Variants in ARHGAP23 observed in about 807,000 individuals in gnomAD.
ARHGAP23 encodes the protein Rho GTPase activating protein 23, also known as rho GTPase-activating protein 23.
A neutral mutation model predicts 136.3 loss-of-function variants in ARHGAP23; 34 were observed. The observed-to-expected ratio is 0.25, with a 90% CI of 0.19 to 0.33. The LOEUF (loss-of-function observed/expected upper bound fraction) is 0.33. ARHGAP23 is among the 10% of genes least tolerant of loss of function. The pLI, the probability that ARHGAP23 is intolerant of heterozygous loss-of-function variation, is 1.00. For missense variants in ARHGAP23, 1,808 were observed against 2,139.0 expected (o/e 0.85, Z 3.05); for synonymous variants, 832 against 920.5 (o/e 0.90, Z 1.74).
rs2039440739 is a variant in ARHGAP23, at chr17:38,460,775, C to T, written c.226-130C>T. 2.0e-6 allele frequency: 3 copies of T among 1,527,256 alleles called. No individual in the cohort carries two copies. The East Asian group carries it at 7.4e-5, about 37-fold the overall frequency. 94.6% of individuals were successfully genotyped at this position (1,527,256 alleles called of 1,614,324 possible). ...CCTCGGACACCCCTCCCGCACCCTC[C>T]CCTGCTGGGCTACTTGGGAGGAGAT... On this transcript the variant is annotated intron_variant, in intron 2 of 23. Coordinates refer to ENST00000622683, the MANE Select transcript of ARHGAP23 (RefSeq NM_001199417.2).
At chr17:38,425,325 T>A (rs2038559301), upstream of ARHGAP23, among the ~76,000 whole-genome samples, 1 of 152,058 alleles carries the variant, frequency 6.6e-6, no homozygotes, top group Non-Finnish European at 1.5e-5. Flanking sequence ...AGTGCCTTTT[T>A]CCCTATTCCC....
At chr17:38,443,757 G>A (rs1019203553) in intron 1 of ARHGAP23, among the ~76,000 whole-genome samples, 2 of 152,150 alleles carry the variant, frequency 1.3e-5, no homozygotes, top group Non-Finnish European at 2.9e-5. Context: ...ATGTGCCCCC[G>A]GGAGACTTTC....
At position 38,510,417 on chromosome 17, in the gene ARHGAP23, C is replaced by T; in HGVS notation, c.3921C>T (p.Phe1307=). The change falls in exon 24 of 24, where the codon TTC becomes TTT. Residue 1307 remains phenylalanine (F), a synonymous_variant. Transcript: ENST00000622683. The surrounding 1 kb of genome is among the most constrained non-coding windows in gnomAD (Gnocchi z 4.6). ...PGGRLTRRPS[F]SSHHLMPCDT... ...GGCGCCTGACACGCCGGCCGTCCTT[C>T]AGCTCGCACCACCTCATGCCCTGCG... 1 of 1,237,976 alleles carries T rather than the reference C, an allele frequency of 8.1e-7. No homozygotes were observed. Among genetic ancestry groups the T allele is most frequent in the Non-Finnish European group, 1.0e-6 (1 of 992,330 alleles). 76.7% of individuals were successfully genotyped at this position (1,237,976 alleles called of 1,614,324 possible).
At chr17:38,424,156 T>C (rs2038547024), upstream of ARHGAP23, among the ~76,000 whole-genome samples, 1 of 152,154 alleles carries the variant, frequency 6.6e-6, no homozygotes, top group Non-Finnish European at 1.5e-5. Flanking sequence ...CAGGGCTCCT[T>C]TGAGGACATC....
At position 38,486,122 on chromosome 17, in the gene ARHGAP23, G is replaced by A. The variant is rs1597826578; in HGVS notation, c.2968G>A (p.Glu990Lys). The change falls in exon 17 of 24, where the codon GAG becomes AAG. Residue 990 changes from glutamate to lysine, a missense_variant. Coordinates refer to ENST00000622683, the MANE Select transcript of ARHGAP23 (RefSeq NM_001199417.2). ...LLKSFFRKLP[E>K]PLFTDDKYND... Reference sequence around the variant, plus strand: ...CAAGTCCTTCTTCCGAAAGCTGCCCGAGCCTCTTTTCACTGATGGTGAGTA... The same window carrying A: ...CAAGTCCTTCTTCCGAAAGCTGCCCAAGCCTCTTTTCACTGATGGTGAGTA... 3.2e-6 allele frequency: 5 copies of A among 1,551,370 alleles called. No individual in the cohort carries two copies. The highest frequency in any genetic ancestry group is 1.4e-5 in the African/African-American group (1 of 73,038).
At chr17:38,449,024 G>C (rs2039098506) in intron 1 of ARHGAP23, among the ~76,000 whole-genome samples, 1 of 152,100 alleles carries the variant, frequency 6.6e-6, no homozygotes, top group African/African-American at 2.4e-5. Context: ...TCGCTGTGTT[G>C]CCCAGGCTGG....
chr17:38,455,565 C>T (rs1180577019), intron 1 of ARHGAP23, among the ~76,000 whole-genome samples: 2 of 152,094 alleles, frequency 1.3e-5, no homozygotes, highest in African/African-American at 2.4e-5. Flanking sequence ...GGGGGGCGTG[C>T]GGGGACCTGT....
At chr17:38,467,478 T>C in intron 7 of ARHGAP23, 147 bp downstream of exon 7, 1 of 689,688 alleles carries the variant, frequency 1.4e-6, no homozygotes, top group Non-Finnish European at 2.3e-6. Context: ...CATTCATCTG[T>C]TCATCCATCC....
intron 11 of ARHGAP23, among the ~76,000 whole-genome samples, chr17:38,475,166 C>T (rs2039863811): frequency 6.6e-6 from 1 of 152,208 alleles, no homozygotes; most frequent in African/African-American, 2.4e-5. Flanking sequence ...CCGTGGGCAC[C>T]CTCTCTGTGC....
Position 38,466,708 on chromosome 17 carries a change from G to C in ARHGAP23, c.1025G>C (p.Gly342Ala), listed in dbSNP as rs973627542. The change falls in exon 7 of 24, where the codon GGC (glycine) becomes GCC (alanine). Residue 342 changes from glycine to alanine, a missense_variant. By Grantham distance (60) the Gly-to-Ala change is moderately conservative (BLOSUM62 0). Transcript: ENST00000622683. ...STSQDALSQL[G>A]QEGWHRARSD... is the part of the protein sequence containing the mutation. ...TCCCAGGATGCTTTGAGCCAGCTGG[G>C]CCAGGAGGGCTGGCACCGAGCTCGC... 5 of 1,533,778 alleles carry C rather than the reference G, an allele frequency of 3.3e-6. No individual in the cohort carries two copies. In the Admixed American group the frequency reaches 1.0e-4, roughly 31 times the overall value.
rs1184615560 is a variant in ARHGAP23 at position 38,477,661 on chromosome 17, G to A, written c.2201G>A (p.Arg734Gln). ...ARSLSLSKER[R>Q]EPGPAAAGAA... ...TCGCTCTCGCTGAGCAAGGAGCGGC[G>A]GGAGCCCGGGCCGGCGGCGGCGGGG... is the stretch of plus-strand genomic sequence containing the variant. The change falls in exon 12 of 24, where the codon CGG (arginine) becomes CAG (glutamine). Residue 734 changes from arginine (R) to glutamine (Q), a missense_variant. Transcript: ENST00000622683. This position sits in a 1 kb window ranked among gnomAD's most constrained non-coding sequence, Gnocchi z 6.6. 3.1e-6 allele frequency: 4 copies of A among 1,278,404 alleles called. No individual in the cohort carries two copies. The highest frequency in any genetic ancestry group is 1.6e-5 in the African/African-American group (1 of 62,688). The allele number at this position is 1,278,404 out of a possible 1,614,324, so 79.2% of individuals were successfully genotyped here.
intron 11 of ARHGAP23, among the ~76,000 whole-genome samples, chr17:38,474,187 C>T (rs967384070): frequency 6.6e-6 from 1 of 152,224 alleles, no homozygotes; most frequent in Non-Finnish European, 1.5e-5. Context: ...TCCCAAAGTG[C>T]TTGGATTACA....
At chr17:38,445,248 C>T (rs1379993303) in intron 1 of ARHGAP23, among the ~76,000 whole-genome samples, 1 of 146,664 alleles carries the variant, frequency 6.8e-6, no homozygotes, top group Non-Finnish European at 1.5e-5. Context: ...GGGCAGATCA[C>T]GAGATCAGGA....
intron 1 of ARHGAP23, among the ~76,000 whole-genome samples, chr17:38,438,471 G>A (rs1034171465): frequency 1.3e-5 from 2 of 152,160 alleles, no homozygotes; most frequent in Non-Finnish European, 2.9e-5. Flanking sequence ...ATGAATACAA[G>A]GCCCAGAATA....
chr17:38,467,742 C>T (rs1033228741), intron 7 of ARHGAP23, among the ~76,000 whole-genome samples: 3 of 151,966 alleles, frequency 2.0e-5, no homozygotes, highest in Non-Finnish European at 4.4e-5. Context: ...TCTCTCCCTC[C>T]TTCTTTTGTT....
chr17:38,421,905 C>G (rs2038524058), intron 1 of ARHGAP23, among the ~76,000 whole-genome samples: 1 of 152,212 alleles, frequency 6.6e-6, no homozygotes, highest in Non-Finnish European at 1.5e-5. Flanking sequence ...CCCTTCTTTC[C>G]TCTTTGCTCC....
chr17:38,453,816 C>A (rs1369623950), intron 1 of ARHGAP23: 1 of 144,168 alleles, frequency 6.9e-6, no homozygotes, highest in African/African-American at 2.5e-5. Flanking sequence ...GGGCGGGGAC[C>A]CCCGGGGCCC....
intron 11 of ARHGAP23, among the ~76,000 whole-genome samples, chr17:38,472,349 G>A (rs917644502): frequency 6.6e-6 from 1 of 152,102 alleles, no homozygotes; most frequent in East Asian, 1.9e-4. Context: ...GGTGATTTCC[G>A]TAGGAGAGCT....
In ARHGAP23 at chr17:38,486,049, A is replaced by G. The variant is rs1419669288; in HGVS notation, c.2908-13A>G. The G allele has an allele frequency of 1.9e-6, 3 of 1,549,494 alleles. No homozygotes were observed. The Admixed American group carries it at 5.9e-5, about 30-fold the overall frequency. ...TGGGCCTGCCTGTGCCTGACATCTG[A>G]CCCCTCCCCCAGCGCTGGCAAGACC... On this transcript the variant is annotated splice_polypyrimidine_tract_variant and intron_variant, in intron 16 of 23. Coordinates refer to ENST00000622683, the MANE Select transcript of ARHGAP23 (RefSeq NM_001199417.2).
Sources: gnomAD v4.1 joint callset for allele counts (sites outside exome capture counted in the v4.1 genomes callset) on GRCh38, gnomAD v4.1.1 for gene constraint, Gnocchi (gnomAD v3.1) non-coding constraint, MANE v1.5 for transcripts, NCBI Gene and HGNC (gene_info 2026-07-23, HGNC 2026-07-21) for gene names.